CEP63: variants seen among roughly 807,000 people sequenced by gnomAD.
The protein encoded by CEP63 is centrosomal protein of 63 kDa.
CEP63 carries 84 observed loss-of-function variants against 89.1 expected under a neutral mutation model. That is an observed-to-expected ratio of 0.94 (90% confidence interval 0.79 to 1.13). The LOEUF is 1.13. CEP63 is among the 50% of genes most tolerant of loss of function. CEP63 has a pLI of 0.00. For missense variants in CEP63, 838 were observed against 813.3 expected (o/e 1.03, Z -0.37); for synonymous variants, 267 against 272.5 (o/e 0.98, Z 0.20).
At chr3:134,751,094 T>A in the CEP63 span, among the ~76,000 whole-genome samples, 1 of 152,250 alleles carries the variant, frequency 6.6e-6, no homozygotes, top group Non-Finnish European at 1.5e-5. Context: ...TGACATTTCA[T>A]GTAACTAGAA....
chr3:134,498,671 A>G (rs770999369), intron 2 of CEP63, among the ~76,000 whole-genome samples: 3 of 152,208 alleles, frequency 2.0e-5, no homozygotes, highest in East Asian at 1.9e-4. Context: ...TTCCCCATCC[A>G]GTATAATGAT....
At chr3:134,577,119 C>G (rs190631981), downstream of CEP63, among the ~76,000 whole-genome samples, 95 of 152,250 alleles carry the variant, frequency 6.2e-4, no homozygotes, top group Admixed American at 2.2e-3. Context: ...AGCCATCTCC[C>G]CTTGTCTGCA....
At chr3:134,530,247 T>C (rs1042188937) in intron 3 of CEP63, among the ~76,000 whole-genome samples, 1 of 152,234 alleles carries the variant, frequency 6.6e-6, no homozygotes, top group Admixed American at 6.5e-5. Context: ...GCTTTGTATT[T>C]CAGCACTTTA....
At chr3:134,615,861 T>TGCAC in the CEP63 span, among the ~76,000 whole-genome samples, 1 of 152,224 alleles carries the variant, frequency 6.6e-6, no homozygotes, top group African/African-American at 2.4e-5. Context: ...GCCATCTGAC[T>TGCAC]GCACACACTC....
At chr3:134,661,495 C>A in the CEP63 span, among the ~76,000 whole-genome samples, 1 of 152,316 alleles carries the variant, frequency 6.6e-6, no homozygotes, top group Middle Eastern at 3.4e-3. Flanking sequence ...GAACGAATCT[C>A]TCTCATGTAG....
At chr3:134,655,997 G>C in the CEP63 span, among the ~76,000 whole-genome samples, 1 of 152,196 alleles carries the variant, frequency 6.6e-6, no homozygotes, top group South Asian at 2.1e-4. Flanking sequence ...TGTTGTGATA[G>C]TTCCATACCA....
intron 6 of CEP63, among the ~76,000 whole-genome samples, chr3:134,539,269 T>G (rs1951501252): frequency 6.6e-6 from 1 of 152,082 alleles, no homozygotes; most frequent in Non-Finnish European, 1.5e-5. Context: ...ATGTTCCACC[T>G]TAACCATTTT....
At chr3:134,639,602 G>A in the CEP63 span, among the ~76,000 whole-genome samples, 1 of 152,090 alleles carries the variant, frequency 6.6e-6, no homozygotes, top group Non-Finnish European at 1.5e-5. Context: ...TGGGGATAAG[G>A]GCTGATGACC....
chr3:134,747,334 G>A, the CEP63 span, among the ~76,000 whole-genome samples: 2 of 152,102 alleles, frequency 1.3e-5, no homozygotes, highest in Non-Finnish European at 2.9e-5. Flanking sequence ...AGCCTTGTTG[G>A]TATTGGCAAT....
At chr3:134,577,085 G>A (rs1444484067), downstream of CEP63, among the ~76,000 whole-genome samples, 1 of 152,162 alleles carries the variant, frequency 6.6e-6, no homozygotes, top group Admixed American at 6.5e-5. Context: ...CCCAGGAAAG[G>A]GAGTGGGGGC....
chr3:134,722,006 T>C, the CEP63 span, among the ~76,000 whole-genome samples: 1 of 152,170 alleles, frequency 6.6e-6, no homozygotes, highest in Non-Finnish European at 1.5e-5. Flanking sequence ...TGGAAAGTGT[T>C]TCCGTCTCTT....
the CEP63 span, among the ~76,000 whole-genome samples, chr3:134,690,109 A>G: frequency 2.0e-5 from 3 of 152,218 alleles, no homozygotes; most frequent in Non-Finnish European, 1.5e-5. Context: ...AAATCTTTCT[A>G]TGTAATACTT....
the CEP63 span, chr3:134,607,507 C>G: frequency 8.1e-6 from 8 of 985,686 alleles, no homozygotes; most frequent in Non-Finnish European, 9.6e-6. Context: ...GACGGTGCCA[C>G]CAGGCAGTCC....
chr3:134,742,820 G>T, the CEP63 span, among the ~76,000 whole-genome samples: 1 of 152,182 alleles, frequency 6.6e-6, no homozygotes, highest in Non-Finnish European at 1.5e-5. Context: ...AGAGCAAAAA[G>T]ATCCTCACAA....
At chr3:134,493,684 T>C (rs11706117) in intron 1 of CEP63, among the ~76,000 whole-genome samples, 104,105 of 151,868 alleles carry the variant, frequency 0.69, 35,932 homozygotes, top group East Asian at 0.82. Context: ...CCTGGGCATG[T>C]CTCTCACTAT....
intron 6 of CEP63, among the ~76,000 whole-genome samples, chr3:134,541,172 T>A (rs1951919186): frequency 6.6e-6 from 1 of 152,208 alleles, no homozygotes; most frequent in Non-Finnish European, 1.5e-5. Flanking sequence ...GTTGCGTATG[T>A]GTACTCAATT....
the CEP63 span, among the ~76,000 whole-genome samples, chr3:134,749,736 G>GAAAAAAAAAA: frequency 3.8e-4 from 21 of 55,752 alleles, no homozygotes; most frequent in South Asian, 7.3e-4. Context: ...AAAAAAAAAG[G>GAAAAAAAAAA]AAAATGATGC....
chr3:134,547,462 C>A lies in CEP63; in HGVS notation c.1057C>A (p.Leu353Ile), dbSNP rs779443821. 2 of 1,613,546 alleles carry A rather than the reference C, an allele frequency of 1.2e-6. No individual in the cohort carries two copies. Among genetic ancestry groups the A allele is most frequent in the South Asian group, 1.1e-5 (1 of 91,050 alleles). The change falls in exon 9 of 15, where the codon CTT (leucine) becomes ATT (isoleucine). Residue 353 changes from leucine (L) to isoleucine (I), a missense_variant. Coordinates refer to ENST00000675561, the MANE Select transcript of CEP63 (RefSeq NM_001353108.3). ...CCTTCTGCAGGCAGAGGTGACTTGT[C>A]TTGAAGGCAGGTACATAATTATACA... ...EDLLQAEVTC[L>I]EGSLESVSAT...
chr3:134,663,176 C>T, the CEP63 span, among the ~76,000 whole-genome samples: 19 of 152,292 alleles, frequency 1.2e-4, no homozygotes, highest in East Asian at 5.8e-4. Flanking sequence ...CAGTTTTCTG[C>T]GGGTACATCA....
Sources: allele counts gnomAD v4.1 joint callset (sites outside exome capture counted in the v4.1 genomes callset), GRCh38; gene constraint gnomAD v4.1.1; transcripts MANE v1.5; gene names NCBI Gene and HGNC (gene_info 2026-07-23, HGNC 2026-07-21).